The following GRID2 variants were observed in gnomAD, a reference collection of about 807,000 sequenced individuals.
The protein encoded by GRID2 is glutamate ionotropic receptor delta type subunit 2, also known as glutamate receptor ionotropic, delta-2.
GRID2 carries 33 observed loss-of-function variants against 114.8 expected under a neutral mutation model. The ratio of observed to expected loss-of-function variants is 0.29; its 90% CI spans 0.22 to 0.38. GRID2 has a LOEUF of 0.38. Among genes scored for constraint, GRID2 ranks in the 10% least tolerant of loss-of-function variants. GRID2 has a pLI of 1.00. For missense variants in GRID2, 1,184 were observed against 1,257.7 expected (o/e 0.94, Z 0.89); for synonymous variants, 505 against 449.9 (o/e 1.12, Z -1.55).
chr4:92,341,426 G>A (rs1443375501), intron 1 of GRID2, among the ~76,000 whole-genome samples: 2 of 151,962 alleles, frequency 1.3e-5, no homozygotes, highest in African/African-American at 2.4e-5. Flanking sequence ...ATATTCATAT[G>A]CTCAGCTATT....
intron 14 of GRID2, among the ~76,000 whole-genome samples, chr4:93,748,809 A>G (rs1732066853): frequency 6.6e-6 from 1 of 151,976 alleles, no homozygotes; most frequent in African/African-American, 2.4e-5. Context: ...GTACTGAATT[A>G]CTTTTCTTGC....
intron 9 of GRID2, among the ~76,000 whole-genome samples, chr4:93,405,507 CAG>C (rs1766324497): frequency 6.6e-6 from 1 of 152,092 alleles, no homozygotes. Context: ...GTAAATATTT[CAG>C]AGATGTGTTA....
At chr4:92,642,985 A>G (rs1249720454) in intron 2 of GRID2, among the ~76,000 whole-genome samples, 1 of 151,488 alleles carries the variant, frequency 6.6e-6, no homozygotes, top group African/African-American at 2.4e-5. Flanking sequence ...ATACCATGCT[A>G]TTTGGTTACT....
At chr4:92,343,770 C>T (rs185944045) in intron 1 of GRID2, among the ~76,000 whole-genome samples, 21 of 152,224 alleles carry the variant, frequency 1.4e-4, no homozygotes, top group African/African-American at 4.6e-4. Flanking sequence ...GACAGGGTTT[C>T]ACCATGTTGG....
At chr4:93,380,767 T>C (rs562308716) in intron 8 of GRID2, among the ~76,000 whole-genome samples, 4 of 152,168 alleles carry the variant, frequency 2.6e-5, no homozygotes, top group East Asian at 1.9e-4. Flanking sequence ...TGTGTTTCAA[T>C]GATGAAATAC....
intron 1 of GRID2, among the ~76,000 whole-genome samples, chr4:92,453,665 C>T (rs1016142960): frequency 6.6e-6 from 1 of 151,966 alleles, no homozygotes; most frequent in Non-Finnish European, 1.5e-5. Context: ...GTAATATTAC[C>T]TAGGAGTGCA....
intron 2 of GRID2, among the ~76,000 whole-genome samples, chr4:92,811,635 GAGTCA>G (rs1348395715): frequency 6.6e-6 from 1 of 151,972 alleles, no homozygotes; most frequent in African/African-American, 2.4e-5. Flanking sequence ...GCTGAATAAT[GAGTCA>G]GGAAAATTGA....
At chr4:93,514,210 T>C (rs1452352766) in intron 12 of GRID2, among the ~76,000 whole-genome samples, 9 of 152,084 alleles carry the variant, frequency 5.9e-5, no homozygotes, top group Non-Finnish European at 1.3e-4. Context: ...ACTGGTTCTT[T>C]AAGCTGCAAA....
chr4:93,781,254 A>G (rs1217753458), intron 1 of GRID2, among the ~76,000 whole-genome samples: 1 of 152,204 alleles, frequency 6.6e-6, no homozygotes, highest in Non-Finnish European at 1.5e-5. Context: ...GGGATCATCT[A>G]GAGTCCATAA....
At chr4:92,957,526 CAAT>C (rs1752499846) in intron 2 of GRID2, among the ~76,000 whole-genome samples, 1 of 151,926 alleles carries the variant, frequency 6.6e-6, no homozygotes, top group Non-Finnish European at 1.5e-5. Context: ...GTTCTCTTAC[CAAT>C]ACCACACTCT....
chr4:93,390,576 C>A (rs1764755353), intron 8 of GRID2, among the ~76,000 whole-genome samples: 1 of 152,100 alleles, frequency 6.6e-6, no homozygotes, highest in Non-Finnish European at 1.5e-5. Flanking sequence ...TACTTGAACT[C>A]AATCAGTCTT....
Position 93,594,718 on chromosome 4 carries a change from A to G in GRID2, c.2194-31551A>G, listed in dbSNP as rs529666558. 4.4e-4 allele frequency among the ~76,000 whole-genome samples: 67 copies of G among 152,322 alleles called. No homozygotes were observed. In the Middle Eastern group the frequency reaches 0.01, roughly 23 times the overall value. ...AGCAATCAATGAGACTCCGTGGGGT[A>G]GGACCCTCTGAGCCAGGTGCGGGAT... is the stretch of plus-strand genomic sequence containing the variant. On this transcript the variant is annotated intron_variant, in intron 13 of 15. Transcript: ENST00000282020.
At chr4:92,814,125 T>C (rs2149381085) in intron 2 of GRID2, among the ~76,000 whole-genome samples, 1 of 152,262 alleles carries the variant, frequency 6.6e-6, no homozygotes, top group Admixed American at 6.5e-5. Flanking sequence ...TTGCTATTTC[T>C]TTTATGCCAT....
intron 8 of GRID2, among the ~76,000 whole-genome samples, chr4:93,244,911 A>T (rs1238989999): frequency 6.6e-6 from 1 of 151,794 alleles, no homozygotes; most frequent in Non-Finnish European, 1.5e-5. Context: ...ATATTATATC[A>T]GTCTTTGTAA....
chr4:92,523,274 G>T (rs1469092500), intron 1 of GRID2, among the ~76,000 whole-genome samples: 1 of 151,970 alleles, frequency 6.6e-6, no homozygotes, highest in Non-Finnish European at 1.5e-5. Flanking sequence ...AGCATATTTA[G>T]GTGGAAGATA....
chr4:93,290,234 G>T (rs187964647), intron 8 of GRID2, among the ~76,000 whole-genome samples: 2 of 152,112 alleles, frequency 1.3e-5, no homozygotes. Flanking sequence ...ACTAATGTTC[G>T]GTTTAGTAGG....
At chr4:93,055,193 G>A (rs1727106862) in intron 2 of GRID2, among the ~76,000 whole-genome samples, 2 of 151,724 alleles carry the variant, frequency 1.3e-5, no homozygotes, top group African/African-American at 4.8e-5. Flanking sequence ...TTTCTGCAAA[G>A]TAAAGTGTAG....
chr4:92,703,776 A>G lies in GRID2; in HGVS notation c.244+113490A>G, dbSNP rs368216098. On this transcript the variant is annotated intron_variant, in intron 2 of 15. Transcript: ENST00000282020. ...ATTGAGAGCTATTTCTACAGAATAT[A>G]TTAACTGGTTACATTCTTCTAATTG... Among the ~76,000 whole-genome samples the G allele has an allele frequency of 4.6e-5, 7 of 152,120 alleles. No homozygotes were observed. In the East Asian group the frequency reaches 1.2e-3, roughly 25 times the overall value.
At chr4:93,428,105 G>T (rs921452677) in intron 10 of GRID2, among the ~76,000 whole-genome samples, 1 of 152,024 alleles carries the variant, frequency 6.6e-6, no homozygotes, top group Non-Finnish European at 1.5e-5. Context: ...TTTCTTCTTT[G>T]GCTGGCTTTC....
Sources: allele counts gnomAD v4.1 joint callset (sites outside exome capture counted in the v4.1 genomes callset), GRCh38; gene constraint gnomAD v4.1.1; transcripts MANE v1.5; gene names NCBI Gene and HGNC (gene_info 2026-07-23, HGNC 2026-07-21).